Variants in VPS13B observed in about 807,000 individuals in gnomAD.
The protein encoded by VPS13B is intermembrane lipid transfer protein VPS13B.
VPS13B carries 285 observed loss-of-function variants against 426.4 expected under a neutral mutation model. The ratio of observed to expected loss-of-function variants is 0.67; its 90% confidence interval spans 0.61 to 0.74. The LOEUF (loss-of-function observed/expected upper bound fraction) is 0.74, where lower values mean the gene tolerates loss of function less well. Ranked by LOEUF, VPS13B falls within the 30% of genes least tolerant of loss-of-function variation. The pLI is 0.00. For synonymous variants in VPS13B, 1,676 were observed against 1,676.4 expected (o/e 1.00, Z 0.01); for missense variants, 4,537 against 4,782.6 (o/e 0.95, Z 1.51).
intron 33 of VPS13B, among the ~76,000 whole-genome samples, chr8:99,598,065 T>C (rs775816760): frequency 7.2e-5 from 11 of 152,066 alleles, no homozygotes; most frequent in Non-Finnish European, 1.6e-4. Context: ...GGGAGACAGA[T>C]AGGTTAAGTA....
chr8:99,604,609 C>G (rs112006871), intron 33 of VPS13B, among the ~76,000 whole-genome samples: 1 of 150,834 alleles, frequency 6.6e-6, no homozygotes, highest in Non-Finnish European at 1.5e-5. Context: ...ACGCCATTCT[C>G]CTGCCTCAGC....
At chr8:99,281,947 T>TC (rs1219993408) in intron 19 of VPS13B, among the ~76,000 whole-genome samples, 1 of 152,346 alleles carries the variant, frequency 6.6e-6, no homozygotes, top group African/African-American at 2.4e-5. Flanking sequence ...CATTTTTTTT[T>TC]CTTTTGAGAT....
At chr8:99,188,052 CAT>C (rs1813318976) in intron 16 of VPS13B, among the ~76,000 whole-genome samples, 3 of 56,210 alleles carry the variant, frequency 5.3e-5, no homozygotes, top group African/African-American at 1.3e-4. Flanking sequence ...GTTGTTTGGA[CAT>C]TTTTTTTTTT....
intron 13 of VPS13B, 138 bp downstream of exon 13, chr8:99,143,303 T>G (rs1361588106): frequency 8.7e-6 from 9 of 1,040,456 alleles, no homozygotes; most frequent in Non-Finnish European, 1.3e-5. Flanking sequence ...ATGTAGCTGT[T>G]TATTTAAAGA....
intron 19 of VPS13B, among the ~76,000 whole-genome samples, chr8:99,382,070 A>G (rs1249665688): frequency 1.3e-5 from 2 of 152,062 alleles, no homozygotes; most frequent in African/African-American, 4.8e-5. Flanking sequence ...AGCACCATTT[A>G]TTGCGTAGGG....
chr8:99,084,481 C>T (rs1396441137), intron 3 of VPS13B, among the ~76,000 whole-genome samples: 2 of 152,016 alleles, frequency 1.3e-5, no homozygotes, highest in African/African-American at 4.8e-5. Flanking sequence ...TTAGTTATTT[C>T]TTGCCTTCTG....
chr8:99,250,664 C>CTTTTTTTTTT lies in VPS13B; in HGVS notation c.2516-23505_2516-23496dup, dbSNP rs60698750. On this transcript the variant is annotated intron_variant, in intron 17 of 61. Transcript: ENST00000357162. ...CTGTCCACTAATCCGTGTGTTTATT[C>CTTTTTTTTTT]TTTTTTTTTTTTTTTTTTTTTTTTT... Among the ~76,000 whole-genome samples, 11 of 35,806 alleles carry CTTTTTTTTTT rather than the reference C, an allele frequency of 3.1e-4. 4 individuals are homozygous for CTTTTTTTTTT. In the East Asian group the frequency reaches 3.4e-3, roughly 11 times the overall value. The allele number at this position is 35,806 out of a possible 152,430, so 23.5% of individuals were successfully genotyped here.
intron 30 of VPS13B, among the ~76,000 whole-genome samples, chr8:99,538,493 C>T (rs1464490711): frequency 1.3e-5 from 2 of 151,788 alleles, no homozygotes; most frequent in African/African-American, 4.8e-5. Context: ...AATATATGCT[C>T]TGTTTTGGGA....
At chr8:99,418,473 T>C in intron 21 of VPS13B, among the ~76,000 whole-genome samples, 1 of 144,776 alleles carries the variant, frequency 6.9e-6, no homozygotes, top group Non-Finnish European at 1.5e-5. Flanking sequence ...CTTTCTTTCT[T>C]TCTTTCTTTC....
At chr8:99,569,611 G>A (rs1825375041) in intron 31 of VPS13B, among the ~76,000 whole-genome samples, 1 of 152,106 alleles carries the variant, frequency 6.6e-6, no homozygotes, top group Non-Finnish European at 1.5e-5. Flanking sequence ...AACTCCTTTA[G>A]TATTTCCCAC....
intron 17 of VPS13B, chr8:99,241,350 A>C (rs759429290): frequency 2.6e-5 from 4 of 152,196 alleles, no homozygotes; most frequent in African/African-American, 4.8e-5. Context: ...CTATATCATT[A>C]GATAAGTAAA....
chr8:99,301,515 C>G (rs1820366243), intron 19 of VPS13B, among the ~76,000 whole-genome samples: 2 of 152,030 alleles, frequency 1.3e-5, no homozygotes, highest in African/African-American at 4.8e-5. Flanking sequence ...GTCTCCAACT[C>G]CTGACCTCAG....
At chr8:99,117,685 C>A (rs1391817648) in intron 7 of VPS13B, among the ~76,000 whole-genome samples, 1 of 152,046 alleles carries the variant, frequency 6.6e-6, no homozygotes, top group Non-Finnish European at 1.5e-5. Flanking sequence ...GTGAAAGCAG[C>A]CAGTCAAAAG....
At chr8:99,044,853 TACACACACACACACACACACACACAC>T (rs60056711) in intron 3 of VPS13B, among the ~76,000 whole-genome samples, 1 of 139,792 alleles carries the variant, frequency 7.2e-6, no homozygotes, top group South Asian at 2.3e-4. Flanking sequence ...TTCCATTTTA[TACACACACACACACACACACACACAC>T]ACACACACAC....
chr8:99,018,244 G>A (rs1184846268), intron 2 of VPS13B, among the ~76,000 whole-genome samples: 1 of 152,146 alleles, frequency 6.6e-6, no homozygotes, highest in Non-Finnish European at 1.5e-5. Context: ...AAATTAGCCA[G>A]GTGTGGTGGC....
intron 51 of VPS13B, among the ~76,000 whole-genome samples, chr8:99,824,260 C>T (rs1814538926): frequency 1.3e-5 from 2 of 152,126 alleles, no homozygotes; most frequent in Non-Finnish European, 2.9e-5. Context: ...CTCTAGCATG[C>T]TCACTAGACT....
At chr8:99,385,362 G>A (rs948697744) in intron 20 of VPS13B, among the ~76,000 whole-genome samples, 19 of 152,018 alleles carry the variant, frequency 1.2e-4, no homozygotes, top group East Asian at 5.8e-4. Context: ...GTTTTGTATC[G>A]TTTTTCTGAA....
At chr8:99,457,300 G>T (rs1818530354) in intron 23 of VPS13B, among the ~76,000 whole-genome samples, 1 of 152,126 alleles carries the variant, frequency 6.6e-6, no homozygotes. Flanking sequence ...CCTAAGTGCT[G>T]GGATTACAGG....
chr8:99,559,561 T>G lies in VPS13B; in HGVS notation c.4949+2908T>G, dbSNP rs529045244. Among the ~76,000 whole-genome samples the G allele has an allele frequency of 2.6e-5, 4 of 152,314 alleles. No homozygotes were observed. In the South Asian group the frequency reaches 8.3e-4, roughly 32 times the overall value. Reference sequence around the variant, plus strand: ...TTAGGTCTAACATTTAAGTCTTTAATCCATCTTGAATTAATTTTTGTATAA... The same window carrying G: ...TTAGGTCTAACATTTAAGTCTTTAAGCCATCTTGAATTAATTTTTGTATAA... On this transcript the variant is annotated intron_variant, in intron 31 of 61. Coordinates refer to ENST00000357162, the MANE Select transcript of VPS13B (RefSeq NM_152564.5).
Sources: allele counts gnomAD v4.1 joint callset (sites outside exome capture counted in the v4.1 genomes callset), GRCh38; gene constraint gnomAD v4.1.1; transcripts MANE v1.5; gene names NCBI Gene and HGNC (gene_info 2026-07-23, HGNC 2026-07-21).